The following ABTB2 variants were observed in gnomAD, a reference collection of about 807,000 sequenced individuals.
The protein encoded by ABTB2 is ankyrin repeat and BTB/POZ domain-containing protein 2.
ABTB2 carries 56 observed loss-of-function variants against 104.1 expected under a neutral mutation model. That is an observed-to-expected ratio of 0.54 (90% CI 0.43 to 0.67). The LOEUF (loss-of-function observed/expected upper bound fraction) is 0.67, where lower values mean the gene tolerates loss of function less well. Among genes scored for constraint, ABTB2 ranks in the 30% least tolerant of loss-of-function variants. The probability of loss-of-function intolerance (pLI) is 0.00; values close to 1 mark genes in which losing one functional copy is unlikely to be tolerated. For missense variants in ABTB2, 1,279 were observed against 1,407.7 expected, an observed-to-expected ratio of 0.91 and a Z score of 1.46; for synonymous variants, 606 against 608.2, an observed-to-expected ratio of 1.00 and a Z score of 0.05.
chr11:34,268,488 A>G (rs1429969864), intron 1 of ABTB2, among the ~76,000 whole-genome samples: 1 of 152,184 alleles, frequency 6.6e-6, no homozygotes, highest in Non-Finnish European at 1.5e-5. Flanking sequence ...CTCTGCCACT[A>G]GCCAAAACCT....
intron 1 of ABTB2, among the ~76,000 whole-genome samples, chr11:34,280,119 G>T (rs954557309): frequency 2.6e-5 from 4 of 152,120 alleles, no homozygotes; most frequent in Non-Finnish European, 5.9e-5. Flanking sequence ...AGGACCCTAT[G>T]CGATAGGTGC....
chr11:34,336,642 C>CA lies in ABTB2; in HGVS notation c.883+20058dup, dbSNP rs547285748. On this transcript the variant is annotated intron_variant, in intron 1 of 16. Coordinates refer to ENST00000435224, the MANE Select transcript of ABTB2 (RefSeq NM_145804.3). ...TAGGTGACAGAGGGAGGCCCTGTCT[C>CA]AAAAAAAAACAAAACAAACAAACAA... is the stretch of plus-strand genomic sequence containing the variant. Among the ~76,000 whole-genome samples the CA allele has an allele frequency of 4.1e-3, 603 of 147,182 alleles. 4 individuals carry two copies. Among genetic ancestry groups the CA allele is most frequent in the South Asian group, 5.2e-3 (24 of 4,580 alleles).
chr11:34,216,197 A>G (rs949788920), intron 1 of ABTB2, among the ~76,000 whole-genome samples: 1 of 152,190 alleles, frequency 6.6e-6, no homozygotes, highest in Non-Finnish European at 1.5e-5. Flanking sequence ...AAGGAATCCA[A>G]ACTAAGGATC....
At chr11:34,322,253 A>G (rs1261142825) in intron 1 of ABTB2, among the ~76,000 whole-genome samples, 1 of 152,208 alleles carries the variant, frequency 6.6e-6, no homozygotes, top group Non-Finnish European at 1.5e-5. Context: ...ATTCAAACTA[A>G]TTTATATTTT....
intron 1 of ABTB2, among the ~76,000 whole-genome samples, chr11:34,262,667 C>T (rs546281851): frequency 1.3e-4 from 20 of 152,310 alleles, no homozygotes; most frequent in African/African-American, 4.6e-4. Flanking sequence ...CTGTTTCTTC[C>T]TCTCAGCTTT....
At chr11:34,171,205 G>A (rs1795512959) in intron 4 of ABTB2, 134 bp from the exon 5 acceptor site, 1 of 894,578 alleles carries the variant, frequency 1.1e-6, no homozygotes, top group African/African-American at 1.7e-5. Context: ...GTTATGATCA[G>A]ATCAGCAATT....
chr11:34,182,500 G>C (rs957853001), intron 3 of ABTB2, among the ~76,000 whole-genome samples: 7 of 138,676 alleles, frequency 5.0e-5, no homozygotes, highest in African/African-American at 1.7e-4. Flanking sequence ...GGTTCTCTGG[G>C]GGGGGGGGGA....
intron 1 of ABTB2, among the ~76,000 whole-genome samples, chr11:34,323,064 G>A (rs979558534): frequency 3.9e-5 from 6 of 152,176 alleles, no homozygotes; most frequent in African/African-American, 1.4e-4. Flanking sequence ...CTGCCACCAT[G>A]CCCGGCTAAT....
chr11:34,327,285 AAAG>A (rs778494995), intron 1 of ABTB2, among the ~76,000 whole-genome samples: 5 of 152,264 alleles, frequency 3.3e-5, no homozygotes, highest in South Asian at 2.1e-4. Flanking sequence ...ACTTCACAGC[AAAG>A]AAGATTACTA....
chr11:34,155,485 G>A (rs1852611125), intron 14 of ABTB2, among the ~76,000 whole-genome samples: 1 of 152,230 alleles, frequency 6.6e-6, no homozygotes, highest in Non-Finnish European at 1.5e-5. Context: ...CCATCACGCT[G>A]GAGCCTAGTG....
intron 1 of ABTB2, among the ~76,000 whole-genome samples, chr11:34,351,057 C>A (rs1855392911): frequency 6.6e-6 from 1 of 152,146 alleles, no homozygotes; most frequent in African/African-American, 2.4e-5. Flanking sequence ...AAGCATCTAC[C>A]CACTGACCTG....
At chr11:34,216,581 T>C (rs371243718) in intron 1 of ABTB2, among the ~76,000 whole-genome samples, 179 of 152,088 alleles carry the variant, frequency 1.2e-3, no homozygotes, top group Admixed American at 3.7e-3. Context: ...TAAAACCCCA[T>C]CTCTACTAAA....
chr11:34,336,651 AC>A (rs1855196050), intron 1 of ABTB2, among the ~76,000 whole-genome samples: 1 of 151,996 alleles, frequency 6.6e-6, no homozygotes, highest in Non-Finnish European at 1.5e-5. Context: ...TCAAAAAAAA[AC>A]AAAACAAACA....
chr11:34,355,404 G>A (rs1218005279), intron 1 of ABTB2, among the ~76,000 whole-genome samples: 4 of 152,168 alleles, frequency 2.6e-5, no homozygotes, highest in Admixed American at 6.5e-5. Flanking sequence ...TCTATGTAAT[G>A]TTGGGCAGAT....
At chr11:34,284,038 GT>G (rs1854476461) in intron 1 of ABTB2, among the ~76,000 whole-genome samples, 1 of 152,248 alleles carries the variant, frequency 6.6e-6, no homozygotes, top group Non-Finnish European at 1.5e-5. Flanking sequence ...CTGGGATCTT[GT>G]CCAAACAGGG....
At chr11:34,159,789 T>C (rs1415674919) in intron 13 of ABTB2, 117 bp downstream of exon 13, 2 of 808,316 alleles carry the variant, frequency 2.5e-6, no homozygotes, top group African/African-American at 1.7e-5. Flanking sequence ...GTGACTGCAG[T>C]CTGAGGGGCA....
chr11:34,193,901 C>T (rs2038391347), intron 3 of ABTB2, among the ~76,000 whole-genome samples: 3 of 152,188 alleles, frequency 2.0e-5, no homozygotes, highest in Non-Finnish European at 2.9e-5. Context: ...TCTGCCCCTC[C>T]CTCCTCCCAC....
chr11:34,357,954 C>CAG lies in ABTB2; in HGVS notation c.-373_-372dup, dbSNP rs1855489524. 2 of 216,824 alleles carry CAG rather than the reference C, an allele frequency of 9.2e-6. No homozygotes were observed. Among genetic ancestry groups the CAG allele is most frequent in the Non-Finnish European group, 1.8e-5 (2 of 110,864 alleles). 13.4% of individuals were successfully genotyped at this position (216,824 alleles called of 1,614,324 possible). A position where few individuals can be genotyped will look rare whatever the true frequency, so the allele number is the denominator to read the frequency against. On this transcript the variant is annotated 5_prime_UTR_variant, in exon 1 of 17. Coordinates refer to ENST00000435224, the MANE Select transcript of ABTB2 (RefSeq NM_145804.3). ...AAGGAGGAGGCGGCGGCGCAGGGCG[C>CAG]AGGGCGCAGCGCGAGTCCGGGACCA... is the stretch of plus-strand genomic sequence containing the variant.
chr11:34,308,014 C>T (rs1252122549), intron 1 of ABTB2, among the ~76,000 whole-genome samples: 1 of 152,158 alleles, frequency 6.6e-6, no homozygotes, highest in Non-Finnish European at 1.5e-5. Context: ...CTCTAAGTCA[C>T]AGCATGATGG....
Sources: allele counts gnomAD v4.1 joint callset (sites outside exome capture counted in the v4.1 genomes callset), GRCh38; gene constraint gnomAD v4.1.1; transcripts MANE v1.5; gene names NCBI Gene and HGNC (gene_info 2026-07-23, HGNC 2026-07-21).